KCTD9: variants seen among roughly 807,000 people sequenced by gnomAD.
The protein encoded by KCTD9 is potassium channel tetramerization domain containing 9.
KCTD9 carries 17 observed loss-of-function variants against 53.3 expected under a neutral mutation model. The ratio of observed to expected loss-of-function variants is 0.32; its 90% CI spans 0.22 to 0.48. KCTD9 has a LOEUF of 0.48. KCTD9 is among the 20% of genes least tolerant of loss of function. The pLI is 0.99. For synonymous variants in KCTD9, 128 were observed against 162.7 expected (o/e 0.79, Z 1.62); for missense variants, 179 against 465.5 (o/e 0.38, Z 5.66).
At position 25,429,182 on chromosome 8, in the gene KCTD9, A is replaced by G. The variant is rs1487301936; in HGVS notation, c.*675T>C. 2.0e-5 allele frequency: 3 copies of G among 152,304 alleles called. No individual in the cohort carries two copies. 9.4% of individuals were successfully genotyped at this position (152,304 alleles called of 1,614,324 possible). A position where few individuals can be genotyped will look rare whatever the true frequency, so the allele number is the denominator to read the frequency against. On this transcript the variant is annotated 3_prime_UTR_variant, in exon 12 of 12. Coordinates refer to ENST00000221200, the MANE Select transcript of KCTD9 (RefSeq NM_017634.4). Reference sequence around the variant, plus strand: ...AGTTACACTGTACCTTTGGAATGACAGTGATGTACAATGATGTCTTTCTTT... The same window carrying G: ...AGTTACACTGTACCTTTGGAATGACGGTGATGTACAATGATGTCTTTCTTT...
intron 1 of KCTD9, among the ~76,000 whole-genome samples, chr8:25,455,042 A>T (rs1802404648): frequency 1.3e-5 from 2 of 152,032 alleles, no homozygotes. Context: ...CCTGGCCAAC[A>T]TGGTGAAAAC....
intron 11 of KCTD9, among the ~76,000 whole-genome samples, chr8:25,431,041 G>C (rs1415408460): frequency 6.6e-6 from 1 of 151,954 alleles, no homozygotes; most frequent in East Asian, 1.9e-4. Context: ...ATGTTGGCCA[G>C]GCTGGTCTCA....
chr8:25,448,117 G>A (rs1334206613), intron 1 of KCTD9, among the ~76,000 whole-genome samples: 5 of 150,870 alleles, frequency 3.3e-5, no homozygotes, highest in African/African-American at 7.3e-5. Flanking sequence ...ATGATGGGAC[G>A]GAAAAGAAAA....
chr8:25,447,533 G>C (rs1272062735), intron 1 of KCTD9, among the ~76,000 whole-genome samples: 1 of 152,202 alleles, frequency 6.6e-6, no homozygotes, highest in Non-Finnish European at 1.5e-5. Flanking sequence ...GACTGGAATA[G>C]AGTGGACAGT....
At chr8:25,437,103 A>G (rs1218363653) in intron 6 of KCTD9, among the ~76,000 whole-genome samples, 2 of 152,214 alleles carry the variant, frequency 1.3e-5, no homozygotes, top group Non-Finnish European at 2.9e-5. Flanking sequence ...TCTATGGTCA[A>G]CAATCCAATT....
Position 25,436,494 on chromosome 8 carries a change from A to C in KCTD9, c.500-9T>G. ...TGCTTCTTCTAACACACCTATCAGA[A>C]CAAAAATAATTCTGAAACAACCTAA... On this transcript the variant is annotated splice_polypyrimidine_tract_variant and intron_variant, in intron 6 of 11. Transcript: ENST00000221200. 6.6e-7 allele frequency: 1 copy of C among 1,523,586 alleles called. No individual in the cohort carries two copies. Among genetic ancestry groups the C allele is most frequent in the East Asian group, 2.3e-5 (1 of 43,850 alleles). 94.4% of individuals were successfully genotyped at this position (1,523,586 alleles called of 1,614,324 possible).
chr8:25,439,533 G>A (rs557858239), intron 5 of KCTD9, 73 bp downstream of exon 5: 101 of 1,583,420 alleles, frequency 6.4e-5, no homozygotes, highest in Non-Finnish European at 8.4e-5. Context: ...AAGTACAGAA[G>A]GTCAGGAGTT....
chr8:25,455,854 C>G (rs565536779), intron 1 of KCTD9, among the ~76,000 whole-genome samples: 1 of 152,096 alleles, frequency 6.6e-6, no homozygotes, highest in African/African-American at 2.4e-5. Context: ...CTTTCTAGAT[C>G]GGAAAAATCA....
intron 11 of KCTD9, among the ~76,000 whole-genome samples, chr8:25,431,575 C>G (rs901949095): frequency 9.9e-5 from 15 of 152,004 alleles, no homozygotes; most frequent in African/African-American, 3.6e-4. Context: ...GAGAGGGAGG[C>G]TTTTGCTGCT....
At chr8:25,453,612 C>T (rs184312561) in intron 1 of KCTD9, among the ~76,000 whole-genome samples, 3 of 151,154 alleles carry the variant, frequency 2.0e-5, no homozygotes, top group East Asian at 3.9e-4. Context: ...AGAGATCATG[C>T]CACTGCACTC....
In KCTD9 at chr8:25,446,206, G is replaced by A. The variant is rs566821195; in HGVS notation, c.93C>T (p.Ala31=). 1 of 1,613,854 alleles carries A rather than the reference G, an allele frequency of 6.2e-7. No individual in the cohort carries two copies. The highest frequency in any genetic ancestry group is 1.3e-5 in the African/African-American group (1 of 74,994). ...TGGCTTTTATGCCGAGTTTACTGCT[G>A]GCCACAGAAAGCAAATCAGATAAAG... ...YGTLSDLLSV[A]SSKLGIKATS... The change falls in exon 2 of 12, where the codon GCC becomes GCT. Residue 31 remains alanine (A), a synonymous_variant. Transcript: ENST00000221200.
At chr8:25,441,379 A>G (rs17053668) in intron 3 of KCTD9, among the ~76,000 whole-genome samples, 61,270 of 151,942 alleles carry the variant, frequency 0.4, 12,747 homozygotes, top group African/African-American at 0.51. Context: ...CAATACAAAA[A>G]GACTGATCAA....
chr8:25,451,698 T>C (rs1236071679), intron 1 of KCTD9, among the ~76,000 whole-genome samples: 25 of 152,208 alleles, frequency 1.6e-4, no homozygotes, highest in Admixed American at 1.4e-3. Context: ...TGGAACACCA[T>C]GCCTAGTACG....
intron 1 of KCTD9, 56 bp downstream of exon 1, chr8:25,458,143 A>G: frequency 6.8e-7 from 1 of 1,475,162 alleles, no homozygotes; most frequent in Non-Finnish European, 9.2e-7. Flanking sequence ...CCGGTTCCGC[A>G]CCGTCCGCCC....
intron 6 of KCTD9, among the ~76,000 whole-genome samples, chr8:25,437,581 G>C (rs973725569): frequency 6.6e-6 from 1 of 152,048 alleles, no homozygotes; most frequent in Non-Finnish European, 1.5e-5. Context: ...GGGAAGCTGA[G>C]GCAGGAGAAT....
At chr8:25,455,149 TG>T (rs540875028) in intron 1 of KCTD9, among the ~76,000 whole-genome samples, 135 of 152,082 alleles carry the variant, frequency 8.9e-4, no homozygotes, top group Non-Finnish European at 1.5e-3. Flanking sequence ...CGCTTGAACC[TG>T]GGGGGCAGAG....
chr8:25,446,015 CA>C (rs1802208321), intron 2 of KCTD9, 113 bp downstream of exon 2: 7 of 1,368,908 alleles, frequency 5.1e-6, no homozygotes, highest in Non-Finnish European at 4.9e-6. Context: ...TCTAGGTAAA[CA>C]CTTGCCAAAA....
rs1460443473 is a variant in KCTD9 at position 25,446,227 on chromosome 8, T to C, written c.72A>G (p.Leu24=). 1.2e-6 allele frequency: 2 copies of C among 1,613,836 alleles called. No homozygotes were observed. The highest frequency in any genetic ancestry group is 1.7e-6 in the Non-Finnish European group (2 of 1,179,900). ...TGCTGGCCACAGAAAGCAAATCAGA[T>C]AAAGTTCCATATACAGCAACCACCT... The part of the protein sequence containing the change: ...NGKVVAVYGT[L]SDLLSVASSK... The change falls in exon 2 of 12, where the codon TTA becomes TTG. Residue 24 remains leucine (L), a synonymous_variant. Transcript: ENST00000221200.
At chr8:25,440,537 T>C (rs1479108904) in intron 4 of KCTD9, 40 bp downstream of exon 4, 2 of 1,315,484 alleles carry the variant, frequency 1.5e-6, no homozygotes, top group Non-Finnish European at 2.2e-6. Flanking sequence ...ACAGTGCTTC[T>C]TTTGCATTCT....
Sources: allele counts gnomAD v4.1 joint callset (sites outside exome capture counted in the v4.1 genomes callset), GRCh38; gene constraint gnomAD v4.1.1; transcripts MANE v1.5; gene names NCBI Gene and HGNC (gene_info 2026-07-23, HGNC 2026-07-21).